The following GRID1 variants were observed in gnomAD, a reference collection of about 807,000 sequenced individuals.
The protein encoded by GRID1 is glutamate ionotropic receptor delta type subunit 1.
GRID1 carries 28 observed loss-of-function variants against 98.0 expected under a neutral mutation model. The ratio of observed to expected loss-of-function variants is 0.29; its 90% CI spans 0.21 to 0.39. The LOEUF (loss-of-function observed/expected upper bound fraction) is 0.39. GRID1 is among the 10% of genes least tolerant of loss of function. The pLI is 1.00. For synonymous variants in GRID1, 553 were observed against 538.5 expected, an observed-to-expected ratio of 1.03 and a Z score of -0.37; for missense variants, 1,111 against 1,340.5, an observed-to-expected ratio of 0.83 and a Z score of 2.67.
chr10:86,206,413 C>T lies in GRID1; in HGVS notation c.471G>A (p.Val157=), dbSNP rs1846025936. The part of the protein sequence containing the change: ...VRLNDVMLRL[V]TELRWQKFVM... Reference sequence around the variant, plus strand: ...CGAACTTCTGCCAGCGCAGCTCCGTCACCAGCCTGAGCATGACATCATTGA... The same window carrying T: ...CGAACTTCTGCCAGCGCAGCTCCGTTACCAGCCTGAGCATGACATCATTGA... Residue 157 remains valine, a synonymous_variant, in exon 3 of 16, where the codon GTG becomes GTA. Transcript: ENST00000327946. This position sits in a 1 kb window ranked among gnomAD's most constrained non-coding sequence, Gnocchi z 4.1. 6.2e-7 allele frequency: 1 copy of T among 1,611,638 alleles called. No individual in the cohort carries two copies.
intron 5 of GRID1, among the ~76,000 whole-genome samples, chr10:85,877,507 C>CCCGCTGCT (rs1840912444): frequency 6.6e-6 from 1 of 152,176 alleles, no homozygotes; most frequent in South Asian, 2.1e-4. Context: ...CCCAGGCAAA[C>CCCGCTGCT]AGGGTCTGGA....
rs1045183707 is a variant in GRID1, at chr10:85,642,100, A to G, written c.2193+5102T>C. ...GACCAGGAGTCCTCAAACTTTTTCT[A>G]TAAAGGGCCAGATAATAGATATTTT... On this transcript the variant is annotated intron_variant, in intron 13 of 15. Coordinates refer to ENST00000327946, the MANE Select transcript of GRID1 (RefSeq NM_017551.3). Among the ~76,000 whole-genome samples, 6 of 152,226 alleles carry G rather than the reference A, an allele frequency of 3.9e-5. No individual in the cohort carries two copies. In the East Asian group the frequency reaches 7.7e-4, roughly 20 times the overall value.
At chr10:86,097,700 T>C (rs1050604304) in intron 4 of GRID1, among the ~76,000 whole-genome samples, 1 of 152,132 alleles carries the variant, frequency 6.6e-6, no homozygotes, top group African/African-American at 2.4e-5. Flanking sequence ...AAAAAAAGAA[T>C]AAATAATAAC....
At chr10:86,260,324 T>C (rs1387484825) in intron 2 of GRID1, among the ~76,000 whole-genome samples, 1 of 152,194 alleles carries the variant, frequency 6.6e-6, no homozygotes, top group Non-Finnish European at 1.5e-5. Context: ...ACCTTCATTT[T>C]AGAAATGAGG....
chr10:85,826,144 T>C (rs1842817737), intron 8 of GRID1, among the ~76,000 whole-genome samples: 1 of 151,760 alleles, frequency 6.6e-6, no homozygotes, highest in Non-Finnish European at 1.5e-5. Context: ...CTGACCAACA[T>C]GGAGAAACCA....
chr10:86,144,536 G>T (rs543890430), intron 3 of GRID1, among the ~76,000 whole-genome samples: 1 of 152,240 alleles, frequency 6.6e-6, no homozygotes, highest in East Asian at 1.9e-4. Context: ...CATCCCGGCC[G>T]CTCGCCCTCT....
At chr10:85,941,556 C>T (rs1282600977) in intron 4 of GRID1, among the ~76,000 whole-genome samples, 1 of 152,114 alleles carries the variant, frequency 6.6e-6, no homozygotes, top group Non-Finnish European at 1.5e-5. Flanking sequence ...CTACAATGAA[C>T]ATGACATACT....
At chr10:85,803,843 G>A (rs568900940) in intron 8 of GRID1, among the ~76,000 whole-genome samples, 2 of 151,868 alleles carry the variant, frequency 1.3e-5, no homozygotes, top group South Asian at 4.1e-4. Context: ...TATATTTTGA[G>A]CTAAAAAATA....
chr10:86,310,633 G>A (rs12766061), intron 2 of GRID1, among the ~76,000 whole-genome samples: 111 of 152,246 alleles, frequency 7.3e-4, no homozygotes, highest in Non-Finnish European at 1.3e-3. Flanking sequence ...ACTGCGCCAC[G>A]CATGGTTTCT....
chr10:86,025,233 G>T (rs981126154), intron 4 of GRID1, among the ~76,000 whole-genome samples: 4 of 152,214 alleles, frequency 2.6e-5, no homozygotes, highest in African/African-American at 7.2e-5. Context: ...ACCACGAATA[G>T]TAACAGTACC....
intron 2 of GRID1, among the ~76,000 whole-genome samples, chr10:86,235,538 ACAGT>A (rs1363660004): frequency 6.6e-6 from 1 of 152,230 alleles, no homozygotes; most frequent in Non-Finnish European, 1.5e-5. Context: ...ATGCCTGTTT[ACAGT>A]CAATCTCTGC....
chr10:86,230,266 T>C (rs898183545), intron 2 of GRID1, among the ~76,000 whole-genome samples: 1 of 151,136 alleles, frequency 6.6e-6, no homozygotes, highest in Non-Finnish European at 1.5e-5. Flanking sequence ...GGCAATCATA[T>C]CAAGAACTAC....
intron 14 of GRID1, among the ~76,000 whole-genome samples, chr10:85,614,237 G>T (rs1226310014): frequency 6.6e-6 from 1 of 152,164 alleles, no homozygotes; most frequent in Non-Finnish European, 1.5e-5. Flanking sequence ...GCAGAGCTGT[G>T]ATTTAAAAAA....
At position 85,977,144 on chromosome 10, in the gene GRID1, G is replaced by A. The variant is rs114578593; in HGVS notation, c.727-60905C>T. On this transcript the variant is annotated intron_variant, in intron 4 of 15. Coordinates refer to ENST00000327946, the MANE Select transcript of GRID1 (RefSeq NM_017551.3). ...GAGTTCAGCCCCCTCTGCTATAAAT[G>A]TGATTAGTGTCTACCTTATAGGGTT... is the stretch of plus-strand genomic sequence containing the variant. Among the ~76,000 whole-genome samples the A allele has an allele frequency of 5.7e-3, 863 of 152,338 alleles. 11 individuals are homozygous for A. Among genetic ancestry groups the A allele is most frequent in the African/African-American group, 0.02 (827 of 41,568 alleles).
intron 4 of GRID1, among the ~76,000 whole-genome samples, chr10:86,042,829 C>G (rs868129204): frequency 1.9e-4 from 29 of 152,176 alleles, no homozygotes; most frequent in African/African-American, 7.0e-4. Flanking sequence ...CTTACACTTG[C>G]AATCCTCGTG....
intron 2 of GRID1, among the ~76,000 whole-genome samples, chr10:86,272,478 T>C (rs561039776): frequency 2.0e-5 from 3 of 152,314 alleles, no homozygotes; most frequent in Admixed American, 6.5e-5. Flanking sequence ...GTTCCCAATA[T>C]AAGACCTTCA....
chr10:86,019,690 C>A (rs1337890495), intron 4 of GRID1, among the ~76,000 whole-genome samples: 1 of 152,246 alleles, frequency 6.6e-6, no homozygotes, highest in African/African-American at 2.4e-5. Flanking sequence ...GTGTGACTTG[C>A]TTTGAGCCAC....
chr10:86,222,208 C>T (rs1846266854), intron 2 of GRID1, among the ~76,000 whole-genome samples: 1 of 152,190 alleles, frequency 6.6e-6, no homozygotes, highest in Non-Finnish European at 1.5e-5. Context: ...GCGATGTGAG[C>T]CCTCTTGCCA....
chr10:86,218,976 C>T (rs1846213566), intron 2 of GRID1, among the ~76,000 whole-genome samples: 1 of 152,212 alleles, frequency 6.6e-6, no homozygotes, highest in African/African-American at 2.4e-5. Flanking sequence ...ATCGACAGCA[C>T]AGCCCGAGAC....
Sources: gnomAD v4.1 joint callset for allele counts (sites outside exome capture counted in the v4.1 genomes callset) on GRCh38, gnomAD v4.1.1 for gene constraint, Gnocchi (gnomAD v3.1) non-coding constraint, MANE v1.5 for transcripts, NCBI Gene and HGNC (gene_info 2026-07-23, HGNC 2026-07-21) for gene names.